HELZ: variants seen among roughly 807,000 people sequenced by gnomAD.
HELZ encodes the protein helicase with zinc finger, also known as ATP-dependent RNA helicase with zinc finger domain.
A neutral mutation model predicts 218.2 loss-of-function variants in HELZ; 23 were observed. The ratio of observed to expected loss-of-function variants is 0.11; its 90% CI spans 0.08 to 0.15. The LOEUF is 0.15. HELZ is among the 10% of genes least tolerant of loss of function. HELZ has a pLI of 1.00. For synonymous variants in HELZ, 814 were observed against 829.4 expected, an observed-to-expected ratio of 0.98 and a Z score of 0.32; for missense variants, 1,813 against 2,353.7, an observed-to-expected ratio of 0.77 and a Z score of 4.75.
intron 31 of HELZ, among the ~76,000 whole-genome samples, chr17:67,105,795 T>G (rs544377787): frequency 6.6e-6 from 1 of 152,218 alleles, no homozygotes; most frequent in African/African-American, 2.4e-5. Context: ...TCATCTTTAT[T>G]GTGCTTCTAA....
At chr17:67,180,515 G>A (rs1224606085) in intron 12 of HELZ, among the ~76,000 whole-genome samples, 4 of 151,826 alleles carry the variant, frequency 2.6e-5, no homozygotes, top group South Asian at 2.1e-4. Flanking sequence ...AAGCTGAAGC[G>A]GGAGGATCAC....
rs1044664759 is a variant in HELZ at position 67,077,797 on chromosome 17, A to C, written c.*455T>G. On this transcript the variant is annotated 3_prime_UTR_variant, in exon 33 of 33. Transcript: ENST00000358691. ...TTTAAAAAAAATTTAAATGAATTTA[A>C]GCAAAAATAACATACATTTGTACAT... is the stretch of plus-strand genomic sequence containing the variant. 1 of 152,116 alleles carries C rather than the reference A, an allele frequency of 6.6e-6. No homozygotes were observed. Among genetic ancestry groups the C allele is most frequent in the African/African-American group, 2.4e-5 (1 of 41,368 alleles). The allele number at this position is 152,116 out of a possible 1,614,324, so 9.4% of individuals were successfully genotyped here. A position where few individuals can be genotyped will look rare whatever the true frequency, so the allele number is the denominator to read the frequency against.
chr17:67,232,891 TG>T (rs1226017088), intron 3 of HELZ, among the ~76,000 whole-genome samples: 1 of 152,180 alleles, frequency 6.6e-6, no homozygotes, highest in Non-Finnish European at 1.5e-5. Flanking sequence ...CCCAGCACTT[TG>T]GGAGGCCAAG....
chr17:67,082,852 T>TTTTTGTTG (rs2036237302), intron 32 of HELZ, among the ~76,000 whole-genome samples: 1 of 149,846 alleles, frequency 6.7e-6, no homozygotes, highest in Non-Finnish European at 1.5e-5. Flanking sequence ...TAACTGTTTT[T>TTTTTGTTG]TTTTTTTGTT....
intron 28 of HELZ, among the ~76,000 whole-genome samples, chr17:67,112,851 C>T (rs976671902): frequency 5.9e-5 from 9 of 151,996 alleles, no homozygotes; most frequent in Middle Eastern, 3.2e-3. Context: ...TTAAAAAAGA[C>T]GGAGGTCATG....
intron 13 of HELZ, among the ~76,000 whole-genome samples, chr17:67,170,346 C>T (rs553095094): frequency 6.6e-6 from 1 of 152,154 alleles, no homozygotes. Flanking sequence ...GAAACCCCGT[C>T]TCTACTAAAA....
chr17:67,179,435 CTT>C (rs1299587031), intron 12 of HELZ, among the ~76,000 whole-genome samples: 1 of 152,144 alleles, frequency 6.6e-6, no homozygotes, highest in Non-Finnish European at 1.5e-5. Flanking sequence ...AAACAAAAAT[CTT>C]TTCGAAAATA....
chr17:67,225,137 T>C (rs559377044), intron 3 of HELZ: 9 of 407,088 alleles, frequency 2.2e-5, no homozygotes, highest in Non-Finnish European at 4.0e-5. Context: ...TAACAACTTA[T>C]AAAGTTACTT....
chr17:67,148,971 C>T (rs975054417), intron 19 of HELZ, among the ~76,000 whole-genome samples: 3 of 152,138 alleles, frequency 2.0e-5, no homozygotes, highest in Non-Finnish European at 4.4e-5. Flanking sequence ...AAGGGCTCCC[C>T]AGCATAATAA....
chr17:67,224,471 A>G (rs898986842), intron 3 of HELZ: 1 of 256,820 alleles, frequency 3.9e-6, no homozygotes, highest in South Asian at 4.7e-5. Flanking sequence ...GTTTAGGTTG[A>G]TATTTCAGGC....
chr17:67,114,753 C>T (rs1438085819), intron 27 of HELZ, among the ~76,000 whole-genome samples: 2 of 152,202 alleles, frequency 1.3e-5, no homozygotes, highest in Middle Eastern at 3.2e-3. Flanking sequence ...TTTATAAAGG[C>T]TCAATGCTTT....
At chr17:67,245,219 GC>G (rs1176273480), upstream of HELZ, 2 of 985,664 alleles carry the variant, frequency 2.0e-6, no homozygotes, top group African/African-American at 3.5e-5. Context: ...GTAAGAAAGA[GC>G]CTTTAAAGTG....
At chr17:67,223,558 C>T (rs1034038455) in intron 3 of HELZ, among the ~76,000 whole-genome samples, 16 of 152,252 alleles carry the variant, frequency 1.1e-4, no homozygotes, top group African/African-American at 3.6e-4. Flanking sequence ...TGAGACCATC[C>T]TGGCTAACAA....
At chr17:67,116,355 A>G (rs1477771079) in intron 27 of HELZ, among the ~76,000 whole-genome samples, 1 of 152,180 alleles carries the variant, frequency 6.6e-6, no homozygotes, top group Non-Finnish European at 1.5e-5. Flanking sequence ...CAAATGGTCT[A>G]AACACCCCAA....
intron 21 of HELZ, among the ~76,000 whole-genome samples, chr17:67,142,498 A>T (rs1272011477): frequency 6.6e-6 from 1 of 152,136 alleles, no homozygotes; most frequent in Admixed American, 6.5e-5. Flanking sequence ...ACAGAGCAAG[A>T]CCCTGTCTCA....
chr17:67,153,229 T>C (rs1216380043), intron 17 of HELZ, among the ~76,000 whole-genome samples: 1 of 152,016 alleles, frequency 6.6e-6, no homozygotes, highest in African/African-American at 2.4e-5. Flanking sequence ...TTTCATGCTG[T>C]ACAAAGAAAA....
intron 15 of HELZ, among the ~76,000 whole-genome samples, chr17:67,163,450 G>A (rs1006371983): frequency 3.3e-5 from 5 of 151,794 alleles, no homozygotes; most frequent in African/African-American, 9.7e-5. Context: ...CCAGGCTGGA[G>A]TGCAGTGGCG....
chr17:67,243,161 T>C (rs1179193307), intron 2 of HELZ, among the ~76,000 whole-genome samples: 1 of 152,202 alleles, frequency 6.6e-6, no homozygotes, highest in Admixed American at 6.5e-5. Context: ...ATAAAGCACT[T>C]TGAATAAATT....
intron 2 of HELZ, among the ~76,000 whole-genome samples, 179 bp downstream of exon 2, chr17:67,243,605 T>G (rs2041386236): frequency 2.0e-5 from 3 of 152,216 alleles, no homozygotes; most frequent in Non-Finnish European, 4.4e-5. Context: ...CTGAAAAGAT[T>G]GGTACATTCA....
Sources: gnomAD v4.1 joint callset for allele counts (sites outside exome capture counted in the v4.1 genomes callset) on GRCh38, gnomAD v4.1.1 for gene constraint, MANE v1.5 for transcripts, NCBI Gene and HGNC (gene_info 2026-07-23, HGNC 2026-07-21) for gene names.